ABCA12: variants seen among roughly 807,000 people sequenced by gnomAD.
The protein encoded by ABCA12 is ATP binding cassette subfamily A member 12, also known as glucosylceramide transporter ABCA12.
ABCA12 carries 156 observed loss-of-function variants against 293.5 expected under a neutral mutation model. The observed-to-expected ratio is 0.53, with a 90% confidence interval of 0.47 to 0.61. The LOEUF (loss-of-function observed/expected upper bound fraction) is 0.61, where lower values mean the gene tolerates loss of function less well. Ranked by LOEUF, ABCA12 falls within the 20% of genes least tolerant of loss-of-function variation. The probability of loss-of-function intolerance (pLI) is 0.00; values close to 1 mark genes in which losing one functional copy is unlikely to be tolerated. For synonymous variants in ABCA12, 1,063 were observed against 1,108.0 expected (o/e 0.96, Z 0.81); for missense variants, 2,797 against 3,090.2 (o/e 0.91, Z 2.25).
chr2:215,108,095 T>G (rs925438507), intron 2 of ABCA12, among the ~76,000 whole-genome samples: 1 of 152,182 alleles, frequency 6.6e-6, no homozygotes, highest in African/African-American at 2.4e-5. Context: ...GAGTTTCATT[T>G]AGAGGTGGAT....
rs752505079 is a variant in ABCA12 at position 214,990,948 on chromosome 2, G to C, written c.3378C>G (p.Ile1126Met). ...ACTTGAGTATAATGATGAGGATCAC[G>C]ATGGTAACCAGTAAAAATCCAACAC... ...IESVGFLLVT[I>M]VILIIILKFG... The change falls in exon 24 of 53, where the codon ATC (isoleucine) becomes ATG (methionine). Residue 1126 changes from isoleucine (I) to methionine (M), a missense_variant. Around this residue, in one of 3 missense-constraint regions of ABCA12, gnomAD observed 2,130 missense variants for 2,427.0 expected, o/e 0.88. Coordinates refer to ENST00000272895, the MANE Select transcript of ABCA12 (RefSeq NM_173076.3). 6.2e-7 allele frequency: 1 copy of C among 1,614,040 alleles called. No individual in the cohort carries two copies. Among genetic ancestry groups the C allele is most frequent in the African/African-American group, 1.3e-5 (1 of 75,030 alleles).
At chr2:215,137,046 T>G (rs1703245172) in intron 1 of ABCA12, among the ~76,000 whole-genome samples, 1 of 151,920 alleles carries the variant, frequency 6.6e-6, no homozygotes, top group African/African-American at 2.4e-5. Flanking sequence ...GCTTTTTTTT[T>G]TCCAGTTAAA....
chr2:214,961,145 A>G (rs1197273900), intron 39 of ABCA12, among the ~76,000 whole-genome samples: 2 of 152,088 alleles, frequency 1.3e-5, no homozygotes, highest in South Asian at 2.1e-4. Flanking sequence ...TTAAGAAACA[A>G]TAAAAGTAAG....
intron 1 of ABCA12, among the ~76,000 whole-genome samples, chr2:215,124,898 G>GT (rs1231863133): frequency 1.3e-5 from 2 of 152,170 alleles, no homozygotes; most frequent in East Asian, 1.9e-4. Flanking sequence ...GTCTAGAAGG[G>GT]TTTTTCCAAT....
In ABCA12 at chr2:214,937,533, G is replaced by T. The variant is rs375742393; in HGVS notation, c.7519C>A (p.His2507Asn). Residue 2507 changes from histidine (H) to asparagine (N), a missense_variant, in exon 51 of 53, where the codon CAC (histidine) becomes AAC (asparagine). His to Asn is a moderately conservative substitution (Grantham distance 68, BLOSUM62 1). This residue lies in a region of ABCA12 where 2,130 missense variants were observed against 2,427.0 expected (regional missense o/e 0.88). Transcript: ENST00000272895. ...METLTKFMQL[H>N]FPKTYLKDQH... ...ACTTTTAAGTATGTTTTTGGAAAGT[G>T]CAGCTGCATGAACTTTGTGAGGGTC... 4 of 1,613,590 alleles carry T rather than the reference G, an allele frequency of 2.5e-6. No individual in the cohort carries two copies. The highest frequency in any genetic ancestry group is 3.4e-6 in the Non-Finnish European group (4 of 1,179,722).
intron 31 of ABCA12, 25 bp downstream of exon 31, chr2:214,980,458 G>A (rs1699621211): frequency 3.1e-6 from 5 of 1,612,314 alleles, no homozygotes; most frequent in Non-Finnish European, 4.2e-6. Flanking sequence ...GTGCCATAAT[G>A]AGATATATTT....
At chr2:215,012,157 T>C (rs1443159500) in intron 15 of ABCA12, 22 bp from the exon 16 acceptor site, 1 of 1,611,710 alleles carries the variant, frequency 6.2e-7, no homozygotes, top group South Asian at 1.1e-5. Context: ...AGAATAAAAA[T>C]AAATGCTTTA....
At chr2:214,976,315 A>G (rs561365663) in intron 33 of ABCA12, among the ~76,000 whole-genome samples, 2 of 152,328 alleles carry the variant, frequency 1.3e-5, no homozygotes, top group East Asian at 3.9e-4. Context: ...CAGGCATAGT[A>G]ATTTTACATG....
At chr2:214,961,453 C>T (rs1699110829) in intron 39 of ABCA12, among the ~76,000 whole-genome samples, 1 of 152,006 alleles carries the variant, frequency 6.6e-6, no homozygotes, top group South Asian at 2.1e-4. Flanking sequence ...ACTCAGATTG[C>T]CTTAGTCTAA....
chr2:214,968,911 A>T, intron 37 of ABCA12, 104 bp from the exon 38 acceptor site: 2 of 896,340 alleles, frequency 2.2e-6, no homozygotes, highest in East Asian at 4.8e-5. Flanking sequence ...TCTGTTAGGA[A>T]CACATTTACA....
intron 10 of ABCA12, 35 bp downstream of exon 10, chr2:215,026,785 A>G: frequency 1.3e-6 from 2 of 1,511,284 alleles, no homozygotes; most frequent in Non-Finnish European, 1.8e-6. Flanking sequence ...GGTAGAAACC[A>G]TGAGCAGCAT....
chr2:214,966,142 A>C (rs922748829), intron 39 of ABCA12, among the ~76,000 whole-genome samples: 1 of 152,314 alleles, frequency 6.6e-6, no homozygotes, highest in South Asian at 2.1e-4. Context: ...GGAACAGAAA[A>C]CCAAATACTG....
At chr2:214,934,536 A>G (rs975552835) in intron 51 of ABCA12, among the ~76,000 whole-genome samples, 2 of 152,232 alleles carry the variant, frequency 1.3e-5, no homozygotes. Context: ...CATTATGCTC[A>G]GCTCACATAA....
chr2:215,031,645 C>A (rs1320921439), intron 9 of ABCA12, among the ~76,000 whole-genome samples, 176 bp downstream of exon 9: 1 of 152,170 alleles, frequency 6.6e-6, no homozygotes, highest in Non-Finnish European at 1.5e-5. Flanking sequence ...TAAATAATAT[C>A]AAAAAATAAG....
intron 41 of ABCA12, 107 bp from the exon 42 acceptor site, chr2:214,956,885 A>C: frequency 1.4e-6 from 1 of 724,318 alleles, no homozygotes; most frequent in African/African-American, 1.8e-5. Context: ...ACCTAGAAAA[A>C]TTTGAAGAAA....
chr2:214,980,335 G>A, intron 31 of ABCA12, 148 bp downstream of exon 31: 1 of 1,185,136 alleles, frequency 8.4e-7, no homozygotes. Context: ...AGACCTCCAG[G>A]ATTTCGATGC....
At chr2:215,108,542 G>A (rs566280541) in intron 2 of ABCA12, among the ~76,000 whole-genome samples, 1 of 152,208 alleles carries the variant, frequency 6.6e-6, no homozygotes, top group South Asian at 2.1e-4. Flanking sequence ...TAAGTTCTCT[G>A]TGCATTAGTT....
chr2:214,936,148 C>T (rs565268770), intron 51 of ABCA12, among the ~76,000 whole-genome samples: 12 of 152,264 alleles, frequency 7.9e-5, no homozygotes, highest in African/African-American at 2.9e-4. Context: ...AATTTATAAG[C>T]TTTAAATTGC....
intron 11 of ABCA12, among the ~76,000 whole-genome samples, chr2:215,020,079 C>T (rs1700593966): frequency 6.6e-6 from 1 of 152,008 alleles, no homozygotes; most frequent in Admixed American, 6.6e-5. Context: ...TCCAGCTTAA[C>T]TCACAAATAC....
Sources: allele counts gnomAD v4.1 joint callset (sites outside exome capture counted in the v4.1 genomes callset), GRCh38; gene constraint gnomAD v4.1.1; regional missense constraint gnomAD v4.1.1; transcripts MANE v1.5; gene names NCBI Gene and HGNC (gene_info 2026-07-23, HGNC 2026-07-21).